The following SGCB variants were observed in gnomAD, a reference collection of about 807,000 sequenced individuals.
SGCB encodes beta-sarcoglycan.
A neutral mutation model predicts 27.3 loss-of-function variants in SGCB; 25 were observed. The ratio of observed to expected loss-of-function variants is 0.92; its 90% confidence interval spans 0.67 to 1.28. SGCB has a LOEUF of 1.28. SGCB is among the 50% of genes most tolerant of loss of function. SGCB has a pLI of 0.00. For synonymous variants in SGCB, 147 were observed against 133.5 expected (o/e 1.10, Z -0.70); for missense variants, 436 against 402.1 (o/e 1.08, Z -0.72).
rs73148342 is a variant in SGCB, at chr4:52,033,793, A to G, written c.34-153T>C. 3.3e-3 allele frequency among the ~76,000 whole-genome samples: 501 copies of G among 152,214 alleles called. 5 individuals carry two copies. Among genetic ancestry groups the G allele is most frequent in the African/African-American group, 0.012 (482 of 41,536 alleles). ...CAAATCACATTGAGTTGCAGTTCCA[A>G]ATAAGGGCATAACTGTGCTTAGAAG... is the stretch of plus-strand genomic sequence containing the variant. On this transcript the variant is annotated intron_variant, in intron 1 of 5. Transcript: ENST00000381431.
intron 2 of SGCB, among the ~76,000 whole-genome samples, chr4:52,030,231 A>C (rs1737213488): frequency 6.6e-6 from 1 of 152,140 alleles, no homozygotes; most frequent in Non-Finnish European, 1.5e-5. Context: ...TATATTTCTA[A>C]AATATCTAAC....
At chr4:52,037,099 G>A (rs1475057172) in intron 1 of SGCB, among the ~76,000 whole-genome samples, 1 of 152,172 alleles carries the variant, frequency 6.6e-6, no homozygotes, top group Non-Finnish European at 1.5e-5. Context: ...AACAGAAGCT[G>A]ATAACTTAGG....
Position 52,024,116 on chromosome 4 carries a change from G to A in SGCB, c.798C>T (p.Thr266=), listed in dbSNP as rs182784793. The change falls in exon 6 of 6, where the codon ACC becomes ACT. Residue 266 remains threonine, a synonymous_variant. Coordinates refer to ENST00000381431, the MANE Select transcript of SGCB (RefSeq NM_000232.5). ...CTCCACTGGAGGAACTGGGTAGGCG[G>A]GTGGTGCTGACCATCACAGATCCAT... is the stretch of plus-strand genomic sequence containing the variant. The part of the protein sequence containing the change: ...ILNGSVMVST[T]RLPSSSSGDQ... The A allele has an allele frequency of 2.5e-6, 4 of 1,613,978 alleles. No individual in the cohort carries two copies. The Admixed American group carries it at 5.0e-5, about 20-fold the overall frequency.
rs1163446568 is a variant in SGCB at position 52,020,869 on chromosome 4, A to G, written c.*3088T>C. On this transcript the variant is annotated 3_prime_UTR_variant, in exon 6 of 6. Transcript: ENST00000381431. Reference sequence around the variant, plus strand: ...CAATACTTTTAAGAAGACTGTTAAAATTTTCAGCATTTCAATGATCTCTTA... The same window carrying G: ...CAATACTTTTAAGAAGACTGTTAAAGTTTTCAGCATTTCAATGATCTCTTA... 6.6e-6 allele frequency: 1 copy of G among 152,540 alleles called. No homozygotes were observed. Among genetic ancestry groups the G allele is most frequent in the Admixed American group, 6.5e-5 (1 of 15,274 alleles). The allele number at this position is 152,540 out of a possible 1,614,324, so 9.4% of individuals were successfully genotyped here. A position where few individuals can be genotyped will look rare whatever the true frequency, so the allele number is the denominator to read the frequency against.
chr4:52,032,932 G>A, intron 2 of SGCB, among the ~76,000 whole-genome samples: 1 of 152,184 alleles, frequency 6.6e-6, no homozygotes, highest in East Asian at 1.9e-4. Flanking sequence ...CAGCCTACCA[G>A]ATTCTTGCAT....
At chr4:52,031,393 TGTG>T (rs1246505335) in intron 2 of SGCB, among the ~76,000 whole-genome samples, 6 of 44,558 alleles carry the variant, frequency 1.3e-4, no homozygotes, top group Non-Finnish European at 5.2e-4. Context: ...CATTCATCTC[TGTG>T]TGTGTGTGTA....
At chr4:52,037,399 C>G (rs1344820643) in intron 1 of SGCB, among the ~76,000 whole-genome samples, 1 of 152,084 alleles carries the variant, frequency 6.6e-6, no homozygotes, top group East Asian at 1.9e-4. Flanking sequence ...AAACTTGACT[C>G]ATTTTTTTCA....
Position 52,022,016 on chromosome 4 carries a change from A to G in SGCB, c.*1941T>C, listed in dbSNP as rs1736963718. The G allele has an allele frequency of 6.6e-6, 1 of 152,216 alleles. No individual in the cohort carries two copies. Among genetic ancestry groups the G allele is most frequent in the Non-Finnish European group, 1.5e-5 (1 of 68,034 alleles). The allele number at this position is 152,216 out of a possible 1,614,324, so 9.4% of individuals were successfully genotyped here. ...TAAATAAACTTTTAAAATAAATCTA[A>G]ATAGAGCAGATAAGTAATGAATATG... On this transcript the variant is annotated 3_prime_UTR_variant, in exon 6 of 6. Transcript: ENST00000381431.
At chr4:52,025,920 G>A (rs975098295) in intron 5 of SGCB, among the ~76,000 whole-genome samples, 1 of 152,192 alleles carries the variant, frequency 6.6e-6, no homozygotes, top group Admixed American at 6.5e-5. Flanking sequence ...CATGCTTGTG[G>A]GGATGGAGAA....
chr4:52,036,477 G>A (rs1161615841), intron 1 of SGCB, among the ~76,000 whole-genome samples: 1 of 152,122 alleles, frequency 6.6e-6, no homozygotes, highest in African/African-American at 2.4e-5. Context: ...GTTAAAATAG[G>A]TTTCCTATAC....
chr4:52,029,024 A>C, intron 3 of SGCB, 103 bp from the exon 4 acceptor site: 1 of 827,192 alleles, frequency 1.2e-6, no homozygotes, highest in Non-Finnish European at 2.0e-6. Context: ...AGAAATTTAA[A>C]AACCCCAATA....
rs1305891377 is a variant in SGCB, at chr4:52,023,950, G to A, written c.*7C>T. 2 of 1,611,898 alleles carry A rather than the reference G, an allele frequency of 1.2e-6. No individual in the cohort carries two copies. The highest frequency in any genetic ancestry group is 1.7e-5 in the Admixed American group (1 of 60,006). ...ATATAAACATGTTGGTGACCTCTGGGGTTCTTTTAATGAGTGTTTCCACAG... is the reference window on the plus strand; with the variant it reads ...ATATAAACATGTTGGTGACCTCTGGAGTTCTTTTAATGAGTGTTTCCACAG... On this transcript the variant is annotated 3_prime_UTR_variant, in exon 6 of 6. Coordinates refer to ENST00000381431, the MANE Select transcript of SGCB (RefSeq NM_000232.5).
intron 2 of SGCB, among the ~76,000 whole-genome samples, chr4:52,032,912 T>C (rs1393106200): frequency 6.6e-6 from 1 of 152,222 alleles, no homozygotes; most frequent in Non-Finnish European, 1.5e-5. Context: ...CTCAGTACTT[T>C]AGTGTGAATC....
intron 1 of SGCB, among the ~76,000 whole-genome samples, chr4:52,037,822 C>T (rs1737435554): frequency 6.6e-6 from 1 of 152,134 alleles, no homozygotes; most frequent in Non-Finnish European, 1.5e-5. Context: ...AACAGCTGAC[C>T]CGTTTCTTGT....
At position 52,028,876 on chromosome 4, in the gene SGCB, T is replaced by C. The variant is rs2109371081; in HGVS notation, c.475A>G (p.Lys159Glu). The change falls in exon 4 of 6, where the codon AAA (lysine) becomes GAA (glutamate). Residue 159 changes from lysine to glutamate, a missense_variant. Lys to Glu is a moderately conservative substitution (Grantham distance 56). Transcript: ENST00000381431. ...CCGATGTCACTTGTAATAGAAGTTT[T>C]GTTGTTTTCTACACTGAGCTTTGTT... ...GTTKLSVENNKTSITSDIGMQ... is the reference protein window; with the variant it reads ...GTTKLSVENNETSITSDIGMQ... 6.2e-7 allele frequency: 1 copy of C among 1,614,048 alleles called. No individual in the cohort carries two copies. Among genetic ancestry groups the C allele is most frequent in the Middle Eastern group, 1.6e-4 (1 of 6,062 alleles).
At chr4:52,027,419 AC>A (rs1355514788) in intron 5 of SGCB, among the ~76,000 whole-genome samples, 2 of 151,874 alleles carry the variant, frequency 1.3e-5, no homozygotes, top group Admixed American at 6.5e-5. Context: ...GATTAAAAAT[AC>A]ATTTTTAATA....
chr4:52,029,011 T>C (rs578226241), intron 3 of SGCB, 90 bp from the exon 4 acceptor site: 2 of 972,964 alleles, frequency 2.1e-6, no homozygotes, highest in African/African-American at 1.6e-5. Flanking sequence ...TTACAAAAAT[T>C]ACAGAAATTT....
Position 52,038,274 on chromosome 4 carries a change from C to A in SGCB, c.-15G>T. On this transcript the variant is annotated 5_prime_UTR_variant, in exon 1 of 6. Coordinates refer to ENST00000381431, the MANE Select transcript of SGCB (RefSeq NM_000232.5). ...GCTGCCGCCATCTTCCCGCGCCCGC[C>A]GCCGCCGAGCTCCCCGCCCGACTGT... The A allele has an allele frequency of 7.7e-7, 1 of 1,294,320 alleles. No homozygotes were observed. The allele number at this position is 1,294,320 out of a possible 1,614,324, so 80.2% of individuals were successfully genotyped here. A position where few individuals can be genotyped will look rare whatever the true frequency, so the allele number is the denominator to read the frequency against.
chr4:52,027,690 CAAAT>C (rs1046280530), intron 5 of SGCB, among the ~76,000 whole-genome samples: 1 of 145,538 alleles, frequency 6.9e-6, no homozygotes, highest in African/African-American at 2.5e-5. Flanking sequence ...AAAAATAAAA[CAAAT>C]AATCTGTTAT....
Sources: gnomAD v4.1 joint callset for allele counts (sites outside exome capture counted in the v4.1 genomes callset) on GRCh38, gnomAD v4.1.1 for gene constraint, MANE v1.5 for transcripts, NCBI Gene and HGNC (gene_info 2026-07-23, HGNC 2026-07-21) for gene names.